Variants in CHRM3 observed in about 807,000 individuals in gnomAD.
CHRM3 encodes muscarinic acetylcholine receptor M3.
In CHRM3, 11 loss-of-function variants were observed where a neutral mutation model predicts 41.8. The observed-to-expected ratio is 0.26, with a 90% CI of 0.17 to 0.44. The LOEUF (loss-of-function observed/expected upper bound fraction) is 0.44, where lower values mean the gene tolerates loss of function less well. Ranked by LOEUF, CHRM3 falls within the 20% of genes least tolerant of loss-of-function variation. The pLI is 1.00. For synonymous variants in CHRM3, 297 were observed against 301.4 expected (o/e 0.99, Z 0.15); for missense variants, 571 against 745.4 (o/e 0.77, Z 2.72).
intron 5 of CHRM3, among the ~76,000 whole-genome samples, chr1:239,801,801 A>G (rs1312092686): frequency 2.0e-5 from 3 of 152,100 alleles, no homozygotes; most frequent in Non-Finnish European, 4.4e-5. Context: ...TTTTGACCCA[A>G]CTTTCAAGAA....
chr1:239,422,628 T>C (rs754982359), intron 1 of CHRM3, among the ~76,000 whole-genome samples: 23 of 151,832 alleles, frequency 1.5e-4, no homozygotes, highest in Non-Finnish European at 2.6e-4. Flanking sequence ...ACCCCATCTC[T>C]ACTAAAAATA....
chr1:239,541,793 A>C (rs900518184), intron 2 of CHRM3, among the ~76,000 whole-genome samples: 2 of 152,200 alleles, frequency 1.3e-5, no homozygotes, highest in African/African-American at 4.8e-5. Context: ...GATTACAGGC[A>C]TGAGCCACCA....
intron 6 of CHRM3, among the ~76,000 whole-genome samples, chr1:239,859,819 T>TATATATATATA (rs1675465542): frequency 1.5e-5 from 2 of 131,424 alleles, no homozygotes; most frequent in Non-Finnish European, 3.2e-5. Context: ...TCTAAGTGTT[T>TATATATATATA]TATATATATA....
At chr1:239,872,719 G>A (rs957651803) in intron 6 of CHRM3, among the ~76,000 whole-genome samples, 1 of 152,176 alleles carries the variant, frequency 6.6e-6, no homozygotes, top group Non-Finnish European at 1.5e-5. Context: ...GTAACATTCT[G>A]ACAGCCTGCA....
In CHRM3 at chr1:239,560,917, C is replaced by T. The variant is rs1448797382; in HGVS notation, c.-313+15168C>T. Among the ~76,000 whole-genome samples, 6 of 152,086 alleles carry T rather than the reference C, an allele frequency of 3.9e-5. 1 individual carries two copies. Among genetic ancestry groups the T allele is most frequent in the African/African-American group, 1.2e-4 (5 of 41,406 alleles). ...GTTTCTCCCCCATCTGTCTCATCTC[C>T]CTTTCCCAGGCTTCACTCCTTCCCC... On this transcript the variant is annotated intron_variant, in intron 3 of 6. Coordinates refer to ENST00000676153, the MANE Select transcript of CHRM3 (RefSeq NM_001375978.1).
chr1:239,537,844 T>C (rs1658356618), intron 2 of CHRM3, among the ~76,000 whole-genome samples: 1 of 152,226 alleles, frequency 6.6e-6, no homozygotes, highest in African/African-American at 2.4e-5. Context: ...ATCAGATAGA[T>C]TAAGATTTGA....
chr1:239,438,631 T>G (rs1167430107), intron 1 of CHRM3, among the ~76,000 whole-genome samples: 1 of 152,214 alleles, frequency 6.6e-6, no homozygotes, highest in African/African-American at 2.4e-5. Context: ...TGTGCGATTA[T>G]TTTTGAGATT....
chr1:239,854,326 A>G (rs1288153358), intron 6 of CHRM3, among the ~76,000 whole-genome samples: 3 of 152,064 alleles, frequency 2.0e-5, no homozygotes, highest in South Asian at 2.1e-4. Context: ...TAAAATACCT[A>G]TTGAGCTCCT....
At chr1:239,720,896 G>A (rs1662903643) in intron 5 of CHRM3, among the ~76,000 whole-genome samples, 1 of 151,780 alleles carries the variant, frequency 6.6e-6, no homozygotes, top group Non-Finnish European at 1.5e-5. Flanking sequence ...ACTCAGGCAA[G>A]GAAATATTTT....
chr1:239,767,641 G>A (rs2148701189), intron 5 of CHRM3, among the ~76,000 whole-genome samples: 1 of 152,282 alleles, frequency 6.6e-6, no homozygotes, highest in East Asian at 1.9e-4. Context: ...CATGAATAAT[G>A]ATCCTAATAT....
At position 239,908,513 on chromosome 1, in the gene CHRM3, G is replaced by A. The variant is rs2103052134; in HGVS notation, c.1062G>A (p.Glu354=). The A allele has an allele frequency of 6.3e-7, 1 of 1,597,830 alleles. No homozygotes were observed. The highest frequency in any genetic ancestry group is 1.1e-5 in the South Asian group (1 of 88,894). The change falls in exon 7 of 7, where the codon GAG becomes GAA. Residue 354 remains glutamate (E), a synonymous_variant. Transcript: ENST00000676153. This position sits in a 1 kb window ranked among gnomAD's most constrained non-coding sequence, Gnocchi z 7.2. The part of the protein sequence containing the change: ...ASLENSASSD[E]EDIGSETRAI... ...TGGAGAACTCCGCCTCCTCCGACGA[G>A]GAGGACATTGGCTCCGAGACGAGAG...
At chr1:239,678,552 A>C (rs1226311924) in intron 5 of CHRM3, among the ~76,000 whole-genome samples, 1 of 152,206 alleles carries the variant, frequency 6.6e-6, no homozygotes, top group South Asian at 2.1e-4. Context: ...ATACACTTAT[A>C]TGGTTCTGAA....
chr1:239,722,643 A>G (rs1403541652), intron 5 of CHRM3, among the ~76,000 whole-genome samples: 6 of 152,012 alleles, frequency 3.9e-5, no homozygotes, highest in Admixed American at 6.6e-5. Flanking sequence ...GGAATTGACA[A>G]TCTTCATTAT....
At chr1:239,395,996 C>G (rs1659443063) in intron 1 of CHRM3, among the ~76,000 whole-genome samples, 1 of 152,196 alleles carries the variant, frequency 6.6e-6, no homozygotes, top group Admixed American at 6.5e-5. Flanking sequence ...CTCAAGGTCA[C>G]CCTTCACTTT....
chr1:239,502,649 C>T lies in CHRM3; in HGVS notation c.-422+9842C>T, dbSNP rs529217082. 2.0e-4 allele frequency among the ~76,000 whole-genome samples: 30 copies of T among 152,194 alleles called. No individual in the cohort carries two copies. In the East Asian group the frequency reaches 2.7e-3, roughly 14 times the overall value. On this transcript the variant is annotated intron_variant, in intron 2 of 6. Coordinates refer to ENST00000676153, the MANE Select transcript of CHRM3 (RefSeq NM_001375978.1). The stretch of plus-strand genomic sequence containing the variant: ...ATAACCAAAAAAGAAAACTACAGAC[C>T]GATAACCTTGATGAATGTAGATGCT...
chr1:239,655,607 T>A (rs185308716), intron 4 of CHRM3, among the ~76,000 whole-genome samples: 206 of 152,316 alleles, frequency 1.4e-3, no homozygotes, highest in African/African-American at 4.8e-3. Context: ...CTTAGTATAA[T>A]TTTTTAAGCC....
At chr1:239,612,801 A>G (rs1667215946) in intron 3 of CHRM3, among the ~76,000 whole-genome samples, 2 of 152,132 alleles carry the variant, frequency 1.3e-5, no homozygotes, top group Admixed American at 6.5e-5. Flanking sequence ...AGAACTGCGT[A>G]TTGATCAGGA....
At chr1:239,506,682 C>T (rs977114414) in intron 2 of CHRM3, among the ~76,000 whole-genome samples, 20 of 152,124 alleles carry the variant, frequency 1.3e-4, no homozygotes, top group African/African-American at 4.8e-4. Flanking sequence ...AGAAGGGGGC[C>T]ATCGTCCTCC....
chr1:239,536,655 T>C (rs1658230347), intron 2 of CHRM3, among the ~76,000 whole-genome samples: 1 of 152,216 alleles, frequency 6.6e-6, no homozygotes, highest in South Asian at 2.1e-4. Flanking sequence ...GATAGCCATC[T>C]AAGTACCTGG....
Sources: allele counts gnomAD v4.1 joint callset (sites outside exome capture counted in the v4.1 genomes callset), GRCh38; gene constraint gnomAD v4.1.1; non-coding constraint Gnocchi (gnomAD v3.1); transcripts MANE v1.5; gene names NCBI Gene and HGNC (gene_info 2026-07-23, HGNC 2026-07-21).